The following LRFN2 variants were observed in gnomAD, a reference collection of about 807,000 sequenced individuals.
LRFN2 encodes the protein leucine rich repeat and fibronectin type III domain containing 2.
Under a neutral mutation model 37.3 loss-of-function variants are expected in LRFN2, and 18 were observed. That is an observed-to-expected ratio of 0.48 (90% CI 0.33 to 0.72). LRFN2 has a LOEUF of 0.72. Among genes scored for constraint, LRFN2 ranks in the 30% least tolerant of loss-of-function variants. The probability of loss-of-function intolerance (pLI) is 0.02; values close to 1 mark genes in which losing one functional copy is unlikely to be tolerated. For synonymous variants in LRFN2, 556 were observed against 466.6 expected (o/e 1.19, Z -2.47); for missense variants, 1,006 against 1,060.7 (o/e 0.95, Z 0.72).
At chr6:40,413,108 G>A (rs1763009504) in intron 2 of LRFN2, among the ~76,000 whole-genome samples, 1 of 152,184 alleles carries the variant, frequency 6.6e-6, no homozygotes, top group Non-Finnish European at 1.5e-5. Flanking sequence ...GCCACCCAGT[G>A]GGTGATGGGA....
At chr6:40,429,751 G>C (rs917957737) in intron 2 of LRFN2, among the ~76,000 whole-genome samples, 3 of 152,154 alleles carry the variant, frequency 2.0e-5, no homozygotes, top group African/African-American at 7.2e-5. Context: ...ATCCCTCACT[G>C]TATTACTTTT....
chr6:40,581,220 C>T (rs1451950203), intron 1 of LRFN2, among the ~76,000 whole-genome samples: 1 of 152,160 alleles, frequency 6.6e-6, no homozygotes, highest in Non-Finnish European at 1.5e-5. Context: ...ATGGAGGACC[C>T]CAGCCAAGTA....
At chr6:40,411,467 G>A (rs2113805479) in intron 2 of LRFN2, among the ~76,000 whole-genome samples, 1 of 152,356 alleles carries the variant, frequency 6.6e-6, no homozygotes, top group East Asian at 1.9e-4. Flanking sequence ...GTGAGCACCT[G>A]TGAACATGCA....
intron 1 of LRFN2, among the ~76,000 whole-genome samples, chr6:40,452,988 G>A (rs898864744): frequency 6.6e-6 from 1 of 152,246 alleles, no homozygotes; most frequent in African/African-American, 2.4e-5. Context: ...TAAAATAAGA[G>A]TGACTCTTTG....
At chr6:40,473,910 G>A (rs150223424) in intron 1 of LRFN2, among the ~76,000 whole-genome samples, 1 of 152,112 alleles carries the variant, frequency 6.6e-6, no homozygotes, top group Non-Finnish European at 1.5e-5. Flanking sequence ...AAAACTGGCC[G>A]CCTGGACCCA....
intron 2 of LRFN2, among the ~76,000 whole-genome samples, chr6:40,406,467 G>C (rs1055551006): frequency 2.0e-5 from 3 of 152,194 alleles, no homozygotes; most frequent in Non-Finnish European, 4.4e-5. Flanking sequence ...CAAGGTGTCT[G>C]CTTGCTCTTC....
chr6:40,571,738 A>G (rs1767191428), intron 1 of LRFN2, among the ~76,000 whole-genome samples: 1 of 152,174 alleles, frequency 6.6e-6, no homozygotes, highest in African/African-American at 2.4e-5. Flanking sequence ...GTGGATCCCC[A>G]AATCATGTGA....
At chr6:40,398,566 T>C (rs905428707) in intron 2 of LRFN2, among the ~76,000 whole-genome samples, 4 of 151,806 alleles carry the variant, frequency 2.6e-5, no homozygotes, top group African/African-American at 9.7e-5. Context: ...AGGTCAGTCA[T>C]GGGCACCTCC....
intron 1 of LRFN2, among the ~76,000 whole-genome samples, chr6:40,488,791 T>G (rs1190173652): frequency 6.6e-6 from 1 of 152,176 alleles, no homozygotes. Context: ...CTGCCTCCTC[T>G]GCCTCCTTGA....
intron 2 of LRFN2, among the ~76,000 whole-genome samples, chr6:40,413,083 G>A (rs1763008910): frequency 6.6e-6 from 1 of 152,124 alleles, no homozygotes; most frequent in Non-Finnish European, 1.5e-5. Context: ...CCATCTCTGT[G>A]CACACTGACC....
chr6:40,427,380 A>G (rs1241307816), intron 2 of LRFN2, among the ~76,000 whole-genome samples: 1 of 152,216 alleles, frequency 6.6e-6, no homozygotes, highest in African/African-American at 2.4e-5. Context: ...TATGACTGTG[A>G]CGTGCTCTGT....
Position 40,432,038 on chromosome 6 carries a change from C to A in LRFN2, c.1076G>T (p.Cys359Phe), listed in dbSNP as rs1252855668. The A allele has an allele frequency of 6.2e-7, 1 of 1,614,006 alleles. No individual in the cohort carries two copies. The highest frequency in any genetic ancestry group is 2.2e-5 in the East Asian group (1 of 44,880). The part of the protein sequence containing the change: ...TTSQDSGAFT[C>F]IAANAAGEAT... ...CTCTCCGGCAGCATTGGCAGCAATG[C>A]AGGTGAAGGCACCACTGTCCTGAGA... Residue 359 changes from cysteine (C) to phenylalanine (F), a missense_variant, in exon 2 of 3, where the codon TGC (cysteine) becomes TTC (phenylalanine). Around this residue, in one of 4 missense-constraint regions of LRFN2, gnomAD observed 303 missense variants for 299.8 expected, o/e 1.01. Coordinates refer to ENST00000338305, the MANE Select transcript of LRFN2 (RefSeq NM_020737.3).
At chr6:40,411,755 CGCTA>C (rs1762972058) in intron 2 of LRFN2, among the ~76,000 whole-genome samples, 2 of 151,828 alleles carry the variant, frequency 1.3e-5, no homozygotes, top group African/African-American at 4.8e-5. Flanking sequence ...GCCCTGGACA[CGCTA>C]GCTAATATTA....
chr6:40,586,748 G>A (rs1767511238), intron 1 of LRFN2, among the ~76,000 whole-genome samples, 193 bp downstream of exon 1: 1 of 152,208 alleles, frequency 6.6e-6, no homozygotes, highest in South Asian at 2.1e-4. Flanking sequence ...CTAAAGAAAG[G>A]AAAGGAAATC....
chr6:40,582,714 GAA>G (rs35249144), intron 1 of LRFN2, among the ~76,000 whole-genome samples: 9 of 135,536 alleles, frequency 6.6e-5, no homozygotes, highest in African/African-American at 2.5e-4. Context: ...AAATCACTCA[GAA>G]AAAAAAAAAA....
chr6:40,505,452 T>G (rs995366145), intron 1 of LRFN2, among the ~76,000 whole-genome samples: 1 of 152,232 alleles, frequency 6.6e-6, no homozygotes, highest in African/African-American at 2.4e-5. Context: ...TTTCTAAAAG[T>G]CCGCAAATAA....
chr6:40,448,114 G>A (rs895155899), intron 1 of LRFN2, among the ~76,000 whole-genome samples: 1 of 152,140 alleles, frequency 6.6e-6, no homozygotes, highest in African/African-American at 2.4e-5. Context: ...GGGTCCTCCT[G>A]AGCAGTGTCC....
intron 1 of LRFN2, among the ~76,000 whole-genome samples, chr6:40,449,156 C>T (rs1184197363): frequency 6.6e-6 from 1 of 152,094 alleles, no homozygotes; most frequent in Non-Finnish European, 1.5e-5. Flanking sequence ...GCTAAGAGAG[C>T]GCACTTCAAA....
chr6:40,518,932 G>C (rs1282109945), intron 1 of LRFN2, among the ~76,000 whole-genome samples: 1 of 152,214 alleles, frequency 6.6e-6, no homozygotes, highest in African/African-American at 2.4e-5. Flanking sequence ...GGAAATGGAA[G>C]TGGAGAGTCT....
Sources: gnomAD v4.1 joint callset for allele counts (sites outside exome capture counted in the v4.1 genomes callset) on GRCh38, gnomAD v4.1.1 for gene constraint, gnomAD v4.1.1 regional missense constraint, MANE v1.5 for transcripts, NCBI Gene and HGNC (gene_info 2026-07-23, HGNC 2026-07-21) for gene names.